Variants in KDM2A observed in about 807,000 individuals in gnomAD.
KDM2A encodes the protein lysine demethylase 2A, also known as lysine-specific demethylase 2A.
A neutral mutation model predicts 137.3 loss-of-function variants in KDM2A; 3 were observed. That is an observed-to-expected ratio of 0.02 (90% CI 0.01 to 0.06). The LOEUF (loss-of-function observed/expected upper bound fraction) is 0.06, where lower values mean the gene tolerates loss of function less well. KDM2A is among the 10% of genes least tolerant of loss of function. The pLI is 1.00. For synonymous variants in KDM2A, 512 were observed against 541.5 expected, an observed-to-expected ratio of 0.95 and a Z score of 0.76; for missense variants, 738 against 1,510.6, an observed-to-expected ratio of 0.49 and a Z score of 8.48.
intron 12 of KDM2A, among the ~76,000 whole-genome samples, chr11:67,238,511 G>A (rs1028815079): frequency 1.3e-5 from 2 of 152,144 alleles, no homozygotes; most frequent in South Asian, 2.1e-4. Context: ...TACAGTGTCC[G>A]GGAGAAGTTT....
At chr11:67,199,647 T>C (rs763121863) in intron 5 of KDM2A, among the ~76,000 whole-genome samples, 1 of 152,198 alleles carries the variant, frequency 6.6e-6, no homozygotes, top group Non-Finnish European at 1.5e-5. Flanking sequence ...AAGAAAAGTT[T>C]AAAGCCAGGA....
chr11:67,182,209 T>C (rs976646099), intron 5 of KDM2A, among the ~76,000 whole-genome samples: 10 of 152,188 alleles, frequency 6.6e-5, no homozygotes, highest in Non-Finnish European at 1.5e-4. Context: ...AGAAGTTTCA[T>C]TAATATCCGT....
rs371369134 is a variant in KDM2A at position 67,250,168 on chromosome 11, C to T, written c.2138C>T (p.Thr713Met). The change falls in exon 17 of 21, where the codon ACG (threonine) becomes ATG (methionine). Residue 713 changes from threonine (T) to methionine (M), a missense_variant. Coordinates refer to ENST00000529006, the MANE Select transcript of KDM2A (RefSeq NM_012308.3). The surrounding 1 kb of genome is among the most constrained non-coding windows in gnomAD (Gnocchi z 7.1). ...CTGCGGAGCTGCGATGAGCCTCTCA[C>T]GCCCCCGCCTCATTCACCCACTTCC... Reference protein sequence around the residue: ...RPLRSCDEPLTPPPHSPTSML... With the variant: ...RPLRSCDEPLMPPPHSPTSML... 4.5e-5 allele frequency: 72 copies of T among 1,613,578 alleles called. No individual in the cohort carries two copies. Among genetic ancestry groups the T allele is most frequent in the South Asian group, 4.2e-4 (38 of 91,016 alleles).
intron 2 of KDM2A, among the ~76,000 whole-genome samples, chr11:67,141,287 G>A (rs1856092372): frequency 6.6e-6 from 1 of 152,084 alleles, no homozygotes; most frequent in African/African-American, 2.4e-5. Flanking sequence ...TAATGACCAA[G>A]TCAGAGTATT....
At chr11:67,133,334 T>C (rs1855896133) in intron 2 of KDM2A, among the ~76,000 whole-genome samples, 2 of 152,134 alleles carry the variant, frequency 1.3e-5, no homozygotes, top group Admixed American at 6.5e-5. Context: ...ACTCCTGACC[T>C]CAAGTGATCC....
chr11:67,221,554 T>G (rs890156272), intron 10 of KDM2A, among the ~76,000 whole-genome samples: 8 of 152,222 alleles, frequency 5.3e-5, no homozygotes, highest in Non-Finnish European at 1.0e-4. Context: ...CGTATCACTA[T>G]ACACATCATT....
chr11:67,121,978 C>G (rs1011886421), intron 2 of KDM2A, among the ~76,000 whole-genome samples: 1 of 152,184 alleles, frequency 6.6e-6, no homozygotes, highest in Admixed American at 6.6e-5. Context: ...TGGCTTATAT[C>G]TGTATATGAA....
chr11:67,159,847 A>G (rs1856596774), intron 2 of KDM2A, among the ~76,000 whole-genome samples: 1 of 152,200 alleles, frequency 6.6e-6, no homozygotes, highest in Non-Finnish European at 1.5e-5. Context: ...GGATATGTTC[A>G]TATCAGAAAA....
At chr11:67,154,869 A>G (rs1856478688) in intron 2 of KDM2A, among the ~76,000 whole-genome samples, 2 of 152,238 alleles carry the variant, frequency 1.3e-5, no homozygotes. Context: ...TTATGGCTGA[A>G]TAATATTCCG....
chr11:67,153,391 G>T (rs1279976086), intron 2 of KDM2A, among the ~76,000 whole-genome samples: 2 of 152,090 alleles, frequency 1.3e-5, no homozygotes, highest in East Asian at 3.8e-4. Context: ...CCAGTTTTTA[G>T]ACACCCTGGC....
In KDM2A at chr11:67,214,349, C is replaced by T. The variant is rs559552618; in HGVS notation, c.487-991C>T. ...CCTCCCGAGTAGCTGGGACTACGGG[C>T]GCCCGCCACCACGCCTGGCTAATTT... On this transcript the variant is annotated intron_variant, in intron 6 of 20. Transcript: ENST00000529006. 3.0e-3 allele frequency among the ~76,000 whole-genome samples: 460 copies of T among 152,102 alleles called. 1 individual carries two copies. The highest frequency in any genetic ancestry group is 4.6e-3 in the Non-Finnish European group (316 of 67,994).
intron 12 of KDM2A, chr11:67,240,470 G>T: frequency 1.0e-6 from 1 of 973,304 alleles, no homozygotes; most frequent in Non-Finnish European, 1.5e-6. Context: ...TGCCGGGCGA[G>T]TCCAGGACAA....
chr11:67,129,914 A>G (rs1319739621), intron 2 of KDM2A, among the ~76,000 whole-genome samples: 5 of 151,586 alleles, frequency 3.3e-5, no homozygotes, highest in African/African-American at 1.2e-4. Context: ...CTCAAAAAAA[A>G]AAATTAAAAA....
chr11:67,188,852 T>A (rs1284652377), intron 5 of KDM2A, among the ~76,000 whole-genome samples: 1 of 150,472 alleles, frequency 6.6e-6, no homozygotes, highest in Non-Finnish European at 1.5e-5. Context: ...AAGGTTTAAC[T>A]ATAGCAAGAA....
At chr11:67,210,261 T>C (rs1228995431) in intron 6 of KDM2A, among the ~76,000 whole-genome samples, 1 of 150,972 alleles carries the variant, frequency 6.6e-6, no homozygotes, top group Non-Finnish European at 1.5e-5. Flanking sequence ...ACTCAGGGGG[T>C]TGAGGCAGGA....
chr11:67,128,009 CT>C (rs56704753), intron 2 of KDM2A, among the ~76,000 whole-genome samples: 2,008 of 107,862 alleles, frequency 0.019, 12 homozygotes, highest in African/African-American at 0.031. Flanking sequence ...CACACCCGGC[CT>C]TTTTTTTTTT....
chr11:67,129,733 CAAAAA>C (rs200961023), intron 2 of KDM2A, among the ~76,000 whole-genome samples: 25 of 56,498 alleles, frequency 4.4e-4, no homozygotes, highest in Non-Finnish European at 8.6e-4. Context: ...GACTCCATCT[CAAAAA>C]AAAAAAAAAA....
At chr11:67,209,666 AC>A (rs766222715) in intron 6 of KDM2A, among the ~76,000 whole-genome samples, 1 of 151,716 alleles carries the variant, frequency 6.6e-6, no homozygotes, top group Non-Finnish European at 1.5e-5. Context: ...CTTGTCTCGA[AC>A]CCCTGACCTC....
At chr11:67,156,718 CAAAAAAAAAAA>C (rs56973148) in intron 2 of KDM2A, among the ~76,000 whole-genome samples, 3 of 90,892 alleles carry the variant, frequency 3.3e-5, no homozygotes, top group African/African-American at 1.2e-4. Context: ...GACTCCATCT[CAAAAAAAAAAA>C]AAAAAAAAAA....
Sources: allele counts gnomAD v4.1 joint callset (sites outside exome capture counted in the v4.1 genomes callset), GRCh38; gene constraint gnomAD v4.1.1; non-coding constraint Gnocchi (gnomAD v3.1); transcripts MANE v1.5; gene names NCBI Gene and HGNC (gene_info 2026-07-23, HGNC 2026-07-21).